Variants in ATP6V0D2 observed in about 807,000 individuals in gnomAD.
ATP6V0D2 encodes ATPase H+ transporting V0 subunit d2.
In ATP6V0D2, 40 loss-of-function variants were observed where a neutral mutation model predicts 40.0. The ratio of observed to expected loss-of-function variants is 1.00; its 90% CI spans 0.78 to 1.30. The LOEUF is 1.30. Among genes scored for constraint, ATP6V0D2 ranks in the 50% most tolerant of loss-of-function variants. The pLI is 0.00. For synonymous variants in ATP6V0D2, 179 were observed against 156.3 expected (o/e 1.15, Z -1.08); for missense variants, 470 against 423.1 (o/e 1.11, Z -0.97).
chr8:86,119,471 T>C (rs1463261520), intron 2 of ATP6V0D2, among the ~76,000 whole-genome samples: 1 of 151,970 alleles, frequency 6.6e-6, no homozygotes, highest in Non-Finnish European at 1.5e-5. Context: ...TCAAGTGATC[T>C]ACCCACCTCG....
rs1272627427 is a variant in ATP6V0D2 at position 86,142,795 on chromosome 8, T to C, written c.562-82T>C. ...ATTCAGATTCCATTAAAGCATTTAA[T>C]AAACCATGAAAAGCTGATCTAGACA... On this transcript the variant is annotated intron_variant, in intron 4 of 7. Transcript: ENST00000285393. The C allele has an allele frequency of 3.5e-6, 3 of 849,306 alleles. No individual in the cohort carries two copies. The Admixed American group carries it at 6.9e-5, about 19-fold the overall frequency. The allele number at this position is 849,306 out of a possible 1,614,324, so 52.6% of individuals were successfully genotyped here. A position where few individuals can be genotyped will look rare whatever the true frequency, so the allele number is the denominator to read the frequency against.
intron 2 of ATP6V0D2, among the ~76,000 whole-genome samples, chr8:86,132,333 G>A (rs527860817): frequency 6.6e-6 from 1 of 152,138 alleles, no homozygotes; most frequent in South Asian, 2.1e-4. Context: ...GTCATTCTGT[G>A]TTGGGAACCA....
intron 1 of ATP6V0D2, among the ~76,000 whole-genome samples, chr8:86,105,616 C>CCTT (rs1554587051): frequency 4.6e-5 from 6 of 131,170 alleles, no homozygotes; most frequent in African/African-American, 1.7e-4. Context: ...CTTCTTTTTT[C>CCTT]TTTTCTTTTT....
At chr8:86,113,981 T>A in intron 2 of ATP6V0D2, 101 bp downstream of exon 2, 1 of 1,076,830 alleles carries the variant, frequency 9.3e-7, no homozygotes, top group Non-Finnish European at 1.3e-6. Context: ...ACTTAAGACC[T>A]TTTCCATTGT....
chr8:86,118,079 TTCTTTC>T (rs1205054900), intron 2 of ATP6V0D2, among the ~76,000 whole-genome samples: 8 of 105,554 alleles, frequency 7.6e-5, no homozygotes, highest in African/African-American at 1.5e-4. Context: ...CCTTCTTTCT[TTCTTTC>T]TTTTTTTTTT....
chr8:86,149,066 A>AG, intron 5 of ATP6V0D2, among the ~76,000 whole-genome samples: 1 of 149,872 alleles, frequency 6.7e-6, no homozygotes, highest in Non-Finnish European at 1.5e-5. Flanking sequence ...AAAAAAAAAA[A>AG]AAAAAAAAAC....
chr8:86,110,534 C>A (rs1054773171), intron 1 of ATP6V0D2, among the ~76,000 whole-genome samples: 1 of 152,168 alleles, frequency 6.6e-6, no homozygotes, highest in Admixed American at 6.5e-5. Context: ...CTGTGTGTGT[C>A]CCAGAGTCTG....
At chr8:86,117,147 T>C (rs1290550333) in intron 2 of ATP6V0D2, among the ~76,000 whole-genome samples, 1 of 152,218 alleles carries the variant, frequency 6.6e-6, no homozygotes, top group Non-Finnish European at 1.5e-5. Context: ...TATTTTAATT[T>C]TTATAATGTT....
intron 5 of ATP6V0D2, among the ~76,000 whole-genome samples, chr8:86,147,662 T>C (rs1819090063): frequency 1.3e-5 from 2 of 152,144 alleles, no homozygotes; most frequent in Admixed American, 6.5e-5. Flanking sequence ...GGTAGATATA[T>C]AGTCAGTTAT....
At chr8:86,105,993 G>C (rs1818466525) in intron 1 of ATP6V0D2, among the ~76,000 whole-genome samples, 2 of 152,122 alleles carry the variant, frequency 1.3e-5, no homozygotes, top group South Asian at 4.1e-4. Context: ...AGTGTATTTT[G>C]CATGTAGTAA....
chr8:86,150,117 G>A lies in ATP6V0D2; in HGVS notation c.645G>A (p.Glu215=). The change falls in exon 6 of 8, where the codon GAG becomes GAA. Residue 215 remains glutamate (E), a synonymous_variant. Transcript: ENST00000285393. ...AEVMCPILEF[E]ADRRAFIITL... is the part of the protein sequence containing the mutation. ...GTTTTGTCTTGCAAATTCAGTTTGA[G>A]GCCGACAGACGTGCTTTTATCATCA... 1.2e-6 allele frequency: 2 copies of A among 1,610,208 alleles called. No individual in the cohort carries two copies. The highest frequency in any genetic ancestry group is 1.7e-6 in the Non-Finnish European group (2 of 1,177,820).
chr8:86,113,474 T>C (rs1298887570), intron 1 of ATP6V0D2, among the ~76,000 whole-genome samples: 1 of 152,138 alleles, frequency 6.6e-6, no homozygotes, highest in African/African-American at 2.4e-5. Context: ...AGAGGGAGAC[T>C]CCCTCTCAAA....
chr8:86,106,758 T>C (rs1329283465), intron 1 of ATP6V0D2, among the ~76,000 whole-genome samples: 1 of 152,210 alleles, frequency 6.6e-6, no homozygotes, highest in Non-Finnish European at 1.5e-5. Context: ...TAAGATTTAC[T>C]GGACTGTATA....
At chr8:86,135,948 G>A (rs1332530719) in intron 2 of ATP6V0D2, among the ~76,000 whole-genome samples, 1 of 152,110 alleles carries the variant, frequency 6.6e-6, no homozygotes, top group Non-Finnish European at 1.5e-5. Context: ...AAAGTAAACT[G>A]TCTTCTGGTT....
At chr8:86,130,809 T>C (rs1235702894) in intron 2 of ATP6V0D2, among the ~76,000 whole-genome samples, 1 of 152,110 alleles carries the variant, frequency 6.6e-6, no homozygotes, top group African/African-American at 2.4e-5. Context: ...CTTCCCCATG[T>C]GCCCTATGGG....
At chr8:86,147,311 A>G (rs1310495056) in intron 5 of ATP6V0D2, among the ~76,000 whole-genome samples, 2 of 152,212 alleles carry the variant, frequency 1.3e-5, no homozygotes, top group Admixed American at 6.5e-5. Flanking sequence ...TGTGCAACCG[A>G]TAGTGATTTT....
At chr8:86,149,182 C>T (rs765791225) in intron 5 of ATP6V0D2, among the ~76,000 whole-genome samples, 2 of 151,266 alleles carry the variant, frequency 1.3e-5, no homozygotes, top group Non-Finnish European at 2.9e-5. Flanking sequence ...ATTTGGAGTA[C>T]CTAGAGAAGA....
chr8:86,118,012 TTCTTTCTTTC>T (rs1281832866), intron 2 of ATP6V0D2, among the ~76,000 whole-genome samples: 3 of 143,508 alleles, frequency 2.1e-5, no homozygotes, highest in African/African-American at 8.9e-5. Context: ...TTTTCTTTCT[TTCTTTCTTTC>T]TTTCTTTTTT....
rs529926808 is a variant in ATP6V0D2, at chr8:86,134,866, T to A, written c.303-4591T>A. On this transcript the variant is annotated intron_variant, in intron 2 of 7. Coordinates refer to ENST00000285393, the MANE Select transcript of ATP6V0D2 (RefSeq NM_152565.1). ...AATAAAAAGGAACAAACTGTTTACA[T>A]GCAACAGCTTGAATGTATTACATGT... is the stretch of plus-strand genomic sequence containing the variant. Among the ~76,000 whole-genome samples the A allele has an allele frequency of 4.7e-4, 71 of 152,338 alleles. No individual in the cohort carries two copies. The South Asian group carries it at 0.015, about 32-fold the overall frequency.
Sources: gnomAD v4.1 joint callset for allele counts (sites outside exome capture counted in the v4.1 genomes callset) on GRCh38, gnomAD v4.1.1 for gene constraint, MANE v1.5 for transcripts, NCBI Gene and HGNC (gene_info 2026-07-23, HGNC 2026-07-21) for gene names.